The following IQCH variants were observed in gnomAD, a reference collection of about 807,000 sequenced individuals.
The protein encoded by IQCH is IQ motif containing H.
In IQCH, 98 loss-of-function variants were observed where a neutral mutation model predicts 117.0. That is an observed-to-expected ratio of 0.84 (90% CI 0.71 to 0.99). The LOEUF (loss-of-function observed/expected upper bound fraction) is 0.99. IQCH is among the 50% of genes least tolerant of loss of function. The probability of loss-of-function intolerance (pLI) is 0.00; values close to 1 mark genes in which losing one functional copy is unlikely to be tolerated. For synonymous variants in IQCH, 412 were observed against 448.2 expected, an observed-to-expected ratio of 0.92 and a Z score of 1.02; for missense variants, 1,102 against 1,243.8, an observed-to-expected ratio of 0.89 and a Z score of 1.72.
At chr15:67,325,112 T>C (rs940572447) in intron 4 of IQCH, among the ~76,000 whole-genome samples, 1 of 152,162 alleles carries the variant, frequency 6.6e-6, no homozygotes, top group Admixed American at 6.5e-5. Context: ...AAATTTTTTT[T>C]CTTGTTATTC....
chr15:67,392,552 G>T (rs1971320946), intron 12 of IQCH, among the ~76,000 whole-genome samples: 1 of 152,066 alleles, frequency 6.6e-6, no homozygotes, highest in Non-Finnish European at 1.5e-5. Flanking sequence ...CAAGGCAGGT[G>T]GATCGCTTGA....
chr15:67,299,491 A>C (rs1440931533), intron 4 of IQCH, among the ~76,000 whole-genome samples: 3 of 152,114 alleles, frequency 2.0e-5, no homozygotes, highest in Non-Finnish European at 4.4e-5. Flanking sequence ...TGGATATCCC[A>C]TTTCCCCTGA....
intron 16 of IQCH, among the ~76,000 whole-genome samples, chr15:67,449,815 C>G (rs2082475462): frequency 6.6e-6 from 1 of 152,128 alleles, no homozygotes; most frequent in Non-Finnish European, 1.5e-5. Flanking sequence ...TTACCTTGGG[C>G]AGTATGGCCA....
In IQCH at chr15:67,411,434, C is replaced by T. The variant is rs2081447719; in HGVS notation, c.2098-5497C>T. On this transcript the variant is annotated intron_variant, in intron 14 of 20. Transcript: ENST00000335894. This position sits in a 1 kb window ranked among gnomAD's most constrained non-coding sequence, Gnocchi z 4.4. ...CTTGCTTACTTTTTCAGGTCATTGT[C>T]TTGCCCTTTTCACTCTCCAGTCCTT... is the stretch of plus-strand genomic sequence containing the variant. 6.6e-6 allele frequency among the ~76,000 whole-genome samples: 1 copy of T among 152,190 alleles called. No homozygotes were observed. The highest frequency in any genetic ancestry group is 1.5e-5 in the Non-Finnish European group (1 of 68,028).
Position 67,344,187 on chromosome 15 carries a change from T to C in IQCH, c.633T>C (p.Thr211=), listed in dbSNP as rs757068537. The C allele has an allele frequency of 1.2e-6, 2 of 1,613,110 alleles. No homozygotes were observed. Among genetic ancestry groups the C allele is most frequent in the East Asian group, 4.5e-5 (2 of 44,816 alleles). ...TTGATGAAGCACGTAAGATTCCAAC[T>C]GTAGGTAAGATACTCATGCATCTCA... The part of the protein sequence containing the change: ...HSFDEARKIP[T]VATFTIPREP... Residue 211 remains threonine (T), a synonymous_variant, in exon 6 of 21, where the codon ACT becomes ACC. Coordinates refer to ENST00000335894, the MANE Select transcript of IQCH (RefSeq NM_001031715.3).
chr15:67,357,783 A>G (rs1417817101), intron 7 of IQCH, among the ~76,000 whole-genome samples: 3 of 152,204 alleles, frequency 2.0e-5, no homozygotes, highest in East Asian at 3.8e-4. Flanking sequence ...GTCTTTAAAT[A>G]CAGGCTAAAA....
rs1391291965 is a variant in IQCH, at chr15:67,475,252, A to T, written c.2677-444A>T. On this transcript the variant is annotated intron_variant, in intron 17 of 20. Transcript: ENST00000335894. The surrounding 1 kb of genome is among the most constrained non-coding windows in gnomAD (Gnocchi z 5.7). ...AGCATTTTGGGAGGCCGAGGCTGGC[A>T]GATCGCTTGAGCTAGGAGTTCAAGA... Among the ~76,000 whole-genome samples the T allele has an allele frequency of 6.6e-6, 1 of 152,144 alleles. No homozygotes were observed. The highest frequency in any genetic ancestry group is 2.4e-5 in the African/African-American group (1 of 41,418).
chr15:67,307,263 A>G, intron 4 of IQCH: 1 of 646,486 alleles, frequency 1.5e-6, no homozygotes, highest in Non-Finnish European at 1.9e-6. Context: ...TGAATTTAAT[A>G]CTATTATGAT....
chr15:67,325,879 A>G lies in IQCH; in HGVS notation c.388-11096A>G, dbSNP rs375683178. Among the ~76,000 whole-genome samples the G allele has an allele frequency of 6.8e-4, 104 of 152,306 alleles. 4 individuals carry two copies. In the East Asian group the frequency reaches 0.012, roughly 17 times the overall value. ...CATAGACTTTTATCATTTTTGGCAT[A>G]AAATCTCTTCAAAATTTCTTTCCTC... On this transcript the variant is annotated intron_variant, in intron 4 of 20. Coordinates refer to ENST00000335894, the MANE Select transcript of IQCH (RefSeq NM_001031715.3).
rs374187405 is a variant in IQCH at position 67,416,913 on chromosome 15, T to C, written c.2098-18T>C. The C allele has an allele frequency of 1.3e-6, 2 of 1,568,750 alleles. No individual in the cohort carries two copies. Among genetic ancestry groups the C allele is most frequent in the Non-Finnish European group, 1.7e-6 (2 of 1,159,482 alleles). On this transcript the variant is annotated intron_variant, in intron 14 of 20. Transcript: ENST00000335894. The surrounding 1 kb of genome is among the most constrained non-coding windows in gnomAD (Gnocchi z 5.1). ...TGTAGTAAAATTGCTTGTGGTTCTATTTAATTTGTTTCTGCAGGAGCCAGC... is the reference window on the plus strand; with the variant it reads ...TGTAGTAAAATTGCTTGTGGTTCTACTTAATTTGTTTCTGCAGGAGCCAGC...
chr15:67,282,463 T>G (rs1596093670), intron 4 of IQCH, among the ~76,000 whole-genome samples: 2 of 152,204 alleles, frequency 1.3e-5, no homozygotes, highest in East Asian at 1.9e-4. Context: ...TGAGGATGGG[T>G]GAGCTTCACT....
chr15:67,368,736 C>T (rs1596269794), intron 8 of IQCH, among the ~76,000 whole-genome samples: 1 of 152,236 alleles, frequency 6.6e-6, no homozygotes, highest in South Asian at 2.1e-4. Flanking sequence ...TGGCCATTTG[C>T]CACTATGAGA....
At chr15:67,268,668 G>A (rs981169544) in intron 3 of IQCH, among the ~76,000 whole-genome samples, 6 of 152,190 alleles carry the variant, frequency 3.9e-5, no homozygotes, top group African/African-American at 1.4e-4. Context: ...TCAATGGTGA[G>A]TGTAGATTAG....
chr15:67,292,909 T>C (rs1347811789), intron 4 of IQCH, among the ~76,000 whole-genome samples: 1 of 152,222 alleles, frequency 6.6e-6, no homozygotes, highest in African/African-American at 2.4e-5. Context: ...CCATTGCATC[T>C]GATTATTTTA....
At chr15:67,338,194 TATATC>T (rs1968977670) in intron 5 of IQCH, among the ~76,000 whole-genome samples, 1 of 147,896 alleles carries the variant, frequency 6.8e-6, no homozygotes, top group Non-Finnish European at 1.5e-5. Context: ...AATGAATCGA[TATATC>T]TGTCTGTCTA....
At chr15:67,495,415 C>G (rs1390734844) in intron 20 of IQCH, among the ~76,000 whole-genome samples, 1 of 152,200 alleles carries the variant, frequency 6.6e-6, no homozygotes, top group Admixed American at 6.5e-5. Context: ...CTTGCCTAGG[C>G]TGGTCTCAAG....
rs2081888984 is a variant in IQCH at position 67,426,314 on chromosome 15, T to A, written c.2505+4737T>A. Among the ~76,000 whole-genome samples the A allele has an allele frequency of 6.6e-6, 1 of 152,234 alleles. No homozygotes were observed. Among genetic ancestry groups the A allele is most frequent in the Admixed American group, 6.5e-5 (1 of 15,284 alleles). On this transcript the variant is annotated intron_variant, in intron 16 of 20. Transcript: ENST00000335894. The surrounding 1 kb of genome is among the most constrained non-coding windows in gnomAD (Gnocchi z 5.1). ...ATACATCTGTGCATCTATAACTATT[T>A]CTATATCTATCAAGTGTTTATATTA...
chr15:67,463,458 T>C lies in IQCH; in HGVS notation c.2506-1669T>C, dbSNP rs551399158. Among the ~76,000 whole-genome samples the C allele has an allele frequency of 1.8e-3, 279 of 152,290 alleles. No individual in the cohort carries two copies. The highest frequency in any genetic ancestry group is 3.2e-3 in the Non-Finnish European group (221 of 68,028). ...CCAGAATCAGGGAATGGGAAGAAGG[T>C]AGACTTGGAGCCAGGTAGAATTGGA... On this transcript the variant is annotated intron_variant, in intron 16 of 20. Coordinates refer to ENST00000335894, the MANE Select transcript of IQCH (RefSeq NM_001031715.3). This position sits in a 1 kb window ranked among gnomAD's most constrained non-coding sequence, Gnocchi z 4.0.
chr15:67,334,739 G>A (rs1041349150), intron 4 of IQCH, among the ~76,000 whole-genome samples: 2 of 152,196 alleles, frequency 1.3e-5, no homozygotes, highest in African/African-American at 4.8e-5. Flanking sequence ...AGCCAGGGCT[G>A]AGAGTCGCTG....
Sources: gnomAD v4.1 joint callset for allele counts (sites outside exome capture counted in the v4.1 genomes callset) on GRCh38, gnomAD v4.1.1 for gene constraint, Gnocchi (gnomAD v3.1) non-coding constraint, MANE v1.5 for transcripts, NCBI Gene and HGNC (gene_info 2026-07-23, HGNC 2026-07-21) for gene names.